NRG1: variants seen among roughly 807,000 people sequenced by gnomAD.
NRG1 encodes neuregulin 1, also known as pro-neuregulin-1, membrane-bound isoform.
NRG1 carries 18 observed loss-of-function variants against 63.8 expected under a neutral mutation model. The observed-to-expected ratio is 0.28, with a 90% CI of 0.19 to 0.42. The LOEUF (loss-of-function observed/expected upper bound fraction) is 0.42. Ranked by LOEUF, NRG1 falls within the 10% of genes least tolerant of loss-of-function variation. The pLI, the probability that NRG1 is intolerant of heterozygous loss-of-function variation, is 1.00. For missense variants in NRG1, 762 were observed against 814.7 expected, an observed-to-expected ratio of 0.94 and a Z score of 0.79; for synonymous variants, 302 against 301.3, an observed-to-expected ratio of 1.00 and a Z score of -0.02.
At chr8:32,382,652 C>A (rs551367742) in intron 1 of NRG1, among the ~76,000 whole-genome samples, 1 of 152,222 alleles carries the variant, frequency 6.6e-6, no homozygotes, top group South Asian at 2.1e-4. Context: ...CACAAGACTA[C>A]CAAGGAATAG....
In NRG1 at chr8:32,163,214, A is replaced by T. The variant is rs796264404; in HGVS notation, c.38-432614A>T. The stretch of plus-strand genomic sequence containing the variant: ...CAGCCTAGAGACCCATGTGGCAGGA[A>T]CTTGGCCTTCATCATTGAATACCCT... On this transcript the variant is annotated intron_variant, in intron 1 of 10. Transcript: ENST00000519301. 1.3e-4 allele frequency among the ~76,000 whole-genome samples: 20 copies of T among 152,310 alleles called. 1 individual carries two copies. The highest frequency in any genetic ancestry group is 4.8e-4 in the African/African-American group (20 of 41,562).
At chr8:31,706,930 C>A (rs1811209145) in intron 1 of NRG1, among the ~76,000 whole-genome samples, 1 of 151,656 alleles carries the variant, frequency 6.6e-6, no homozygotes, top group Admixed American at 6.6e-5. Flanking sequence ...TAAATTGCAC[C>A]TTTTCCTGTG....
chr8:32,518,445 C>G (rs1326324003), intron 1 of NRG1, among the ~76,000 whole-genome samples: 2 of 152,084 alleles, frequency 1.3e-5, no homozygotes, highest in African/African-American at 2.4e-5. Flanking sequence ...GACAAACTGA[C>G]CTATGGCAGA....
At chr8:32,353,711 T>C (rs559252802) in intron 1 of NRG1, among the ~76,000 whole-genome samples, 1 of 152,312 alleles carries the variant, frequency 6.6e-6, no homozygotes, top group South Asian at 2.1e-4. Flanking sequence ...TCTCATACAC[T>C]GCTGGCAGAA....
intron 1 of NRG1, among the ~76,000 whole-genome samples, chr8:32,470,649 G>T (rs1457097234): frequency 6.6e-6 from 1 of 152,182 alleles, no homozygotes; most frequent in Non-Finnish European, 1.5e-5. Flanking sequence ...GGAGAGAGAA[G>T]GTTGGGAGAT....
chr8:31,792,859 C>A (rs1214512339), intron 1 of NRG1, among the ~76,000 whole-genome samples: 1 of 152,208 alleles, frequency 6.6e-6, no homozygotes. Flanking sequence ...GCATTGCTTT[C>A]TGAGTCCACA....
At chr8:32,753,805 A>T (rs2129052022) in intron 7 of NRG1, among the ~76,000 whole-genome samples, 1 of 152,308 alleles carries the variant, frequency 6.6e-6, no homozygotes. Flanking sequence ...TGAATTTAAT[A>T]TATTTAAGTT....
At position 32,514,373 on chromosome 8, in the gene NRG1, G is replaced by A. The variant is rs1035646319; in HGVS notation, c.38-81455G>A. 3.9e-5 allele frequency among the ~76,000 whole-genome samples: 6 copies of A among 152,034 alleles called. 1 individual carries two copies. Among genetic ancestry groups the A allele is most frequent in the Non-Finnish European group, 5.9e-5 (4 of 68,000 alleles). ...TACCATTTTCAAAGCACTTGCATATGTGTCGTATTATTTGATCTTTTCTGA... is the reference window on the plus strand; with the variant it reads ...TACCATTTTCAAAGCACTTGCATATATGTCGTATTATTTGATCTTTTCTGA... On this transcript the variant is annotated intron_variant, in intron 1 of 10. Coordinates refer to the NRG1 transcript ENST00000519301.
At chr8:31,927,277 G>C (rs1585820789) in intron 1 of NRG1, among the ~76,000 whole-genome samples, 1 of 152,134 alleles carries the variant, frequency 6.6e-6, no homozygotes. Context: ...TCCACAGACT[G>C]TCTTGTTCTC....
intron 1 of NRG1, among the ~76,000 whole-genome samples, chr8:31,951,456 A>G (rs1438177501): frequency 2.0e-5 from 3 of 152,340 alleles, no homozygotes; most frequent in African/African-American, 4.8e-5. Flanking sequence ...GGGAAAAAAA[A>G]AGTCAATGGC....
chr8:32,750,361 C>G (rs1205582476), intron 7 of NRG1, among the ~76,000 whole-genome samples: 1 of 152,042 alleles, frequency 6.6e-6, no homozygotes, highest in African/African-American at 2.4e-5. Flanking sequence ...TTTTGTAAGG[C>G]CTTCATCCTA....
chr8:31,935,945 A>G (rs1835266508), intron 1 of NRG1, among the ~76,000 whole-genome samples: 1 of 152,106 alleles, frequency 6.6e-6, no homozygotes, highest in Admixed American at 6.5e-5. Flanking sequence ...TTAGGAGGAG[A>G]ATATGGCCTA....
At chr8:32,772,165 C>T (rs995248573), downstream of NRG1, among the ~76,000 whole-genome samples, 6 of 150,414 alleles carry the variant, frequency 4.0e-5, no homozygotes, top group South Asian at 1.3e-3. Flanking sequence ...TGTGAGAAAC[C>T]ACATAGCTCC....
At chr8:32,767,084 A>G (rs965423596) in exon 12 of NRG1, 2 of 152,184 alleles carry the variant, frequency 1.3e-5, no homozygotes, top group Admixed American at 6.5e-5. Context: ...ATACATGCAA[A>G]TACATGCAAA....
intron 1 of NRG1, among the ~76,000 whole-genome samples, chr8:31,882,015 A>G (rs1469683695): frequency 2.6e-5 from 4 of 152,136 alleles, no homozygotes; most frequent in African/African-American, 9.7e-5. Flanking sequence ...TAAACAAGAG[A>G]TTTTCAGTGT....
chr8:32,629,955 A>G (rs1421225644), intron 5 of NRG1, among the ~76,000 whole-genome samples: 1 of 152,196 alleles, frequency 6.6e-6, no homozygotes, highest in East Asian at 1.9e-4. Context: ...AGCATCTACT[A>G]TGTGTCAGAT....
At chr8:32,158,370 AATACTATCAGCC>A (rs1465013369) in intron 1 of NRG1, among the ~76,000 whole-genome samples, 1 of 148,400 alleles carries the variant, frequency 6.7e-6, no homozygotes, top group Non-Finnish European at 1.5e-5. Flanking sequence ...AGATTAAAAT[AATACTATCAGCC>A]TGTCAATGGG....
chr8:31,654,281 C>T (rs1172581832), intron 1 of NRG1, among the ~76,000 whole-genome samples: 2 of 152,172 alleles, frequency 1.3e-5, no homozygotes, highest in Non-Finnish European at 2.9e-5. Flanking sequence ...GTTGTGCTCT[C>T]TTTGTGCAAC....
chr8:32,083,533 G>A (rs1317535437), intron 1 of NRG1, among the ~76,000 whole-genome samples: 3 of 152,160 alleles, frequency 2.0e-5, no homozygotes, highest in African/African-American at 7.2e-5. Context: ...AGGAGATTTG[G>A]ATCATGAGCA....
Sources: gnomAD v4.1 joint callset for allele counts (sites outside exome capture counted in the v4.1 genomes callset) on GRCh38, gnomAD v4.1.1 for gene constraint, MANE v1.5 for transcripts, NCBI Gene and HGNC (gene_info 2026-07-23, HGNC 2026-07-21) for gene names.